LINGO2: variants seen among roughly 807,000 people sequenced by gnomAD.
LINGO2 encodes leucine rich repeat and Ig domain containing 2, also known as leucine-rich repeat and immunoglobulin-like domain-containing nogo receptor-interacting protein 2.
In LINGO2, 14 loss-of-function variants were observed where a neutral mutation model predicts 30.6. The observed-to-expected ratio is 0.46, with a 90% confidence interval of 0.30 to 0.72. The LOEUF is 0.72. Among genes scored for constraint, LINGO2 ranks in the 30% least tolerant of loss-of-function variants. The pLI is 0.07. For missense variants in LINGO2, 729 were observed against 751.7 expected, an observed-to-expected ratio of 0.97 and a Z score of 0.35; for synonymous variants, 317 against 288.5, an observed-to-expected ratio of 1.10 and a Z score of -1.00.
chr9:28,756,876 C>A, the LINGO2 span, among the ~76,000 whole-genome samples: 2 of 150,480 alleles, frequency 1.3e-5, no homozygotes, highest in Admixed American at 1.3e-4. Context: ...TTTTTTTCTT[C>A]GAATAAATAA....
chr9:28,643,431 A>C (rs1380575394), intron 1 of LINGO2, among the ~76,000 whole-genome samples: 1 of 152,092 alleles, frequency 6.6e-6, no homozygotes, highest in Admixed American at 6.6e-5. Flanking sequence ...CCAAGAACAC[A>C]CTTGGGAAAA....
chr9:28,054,097 G>A (rs1038189195), intron 4 of LINGO2, among the ~76,000 whole-genome samples: 1 of 151,910 alleles, frequency 6.6e-6, no homozygotes, highest in Non-Finnish European at 1.5e-5. Context: ...TCTGTGATGG[G>A]AGGTGGGGAG....
At chr9:28,913,357 A>T in the LINGO2 span, among the ~76,000 whole-genome samples, 1 of 152,092 alleles carries the variant, frequency 6.6e-6, no homozygotes, top group Non-Finnish European at 1.5e-5. Context: ...TTTAAGGGAA[A>T]CTAAGGCAAA....
the LINGO2 span, among the ~76,000 whole-genome samples, chr9:29,042,310 A>T: frequency 6.6e-6 from 1 of 151,982 alleles, no homozygotes; most frequent in Admixed American, 6.6e-5. Context: ...TTAACATGCA[A>T]TTCCCTTGCA....
intron 4 of LINGO2, among the ~76,000 whole-genome samples, chr9:28,170,987 A>G (rs1828564915): frequency 1.3e-5 from 2 of 152,214 alleles, no homozygotes; most frequent in African/African-American, 4.8e-5. Flanking sequence ...TATTCTGCCT[A>G]TCACAGATGG....
At chr9:29,163,412 TA>T in the LINGO2 span, among the ~76,000 whole-genome samples, 1 of 152,186 alleles carries the variant, frequency 6.6e-6, no homozygotes, top group Non-Finnish European at 1.5e-5. Flanking sequence ...CTTCTATGTG[TA>T]CATGCAGTTG....
At chr9:28,016,682 T>TA (rs72138034) in intron 4 of LINGO2, among the ~76,000 whole-genome samples, 3,036 of 115,268 alleles carry the variant, frequency 0.026, 119 homozygotes, top group African/African-American at 0.095. Flanking sequence ...ATTAAACCAG[T>TA]AAAAAAAAAA....
chr9:28,425,770 C>T (rs1231425717), intron 2 of LINGO2, among the ~76,000 whole-genome samples: 2 of 152,022 alleles, frequency 1.3e-5, no homozygotes, highest in African/African-American at 2.4e-5. Context: ...GCACCAGCTG[C>T]CTATGACCTG....
intron 4 of LINGO2, among the ~76,000 whole-genome samples, chr9:28,055,287 CAT>C (rs1824873066): frequency 6.6e-6 from 1 of 152,028 alleles, no homozygotes; most frequent in Admixed American, 6.6e-5. Context: ...TTGCTTATAA[CAT>C]GTGTTTTAAA....
intron 4 of LINGO2, among the ~76,000 whole-genome samples, chr9:28,274,737 C>A (rs935282585): frequency 6.6e-6 from 1 of 152,158 alleles, no homozygotes; most frequent in Non-Finnish European, 1.5e-5. Flanking sequence ...TAAATGACTC[C>A]TTTTACCAAC....
intron 4 of LINGO2, among the ~76,000 whole-genome samples, chr9:28,036,678 G>A (rs1026104239): frequency 1.3e-5 from 2 of 152,188 alleles, no homozygotes; most frequent in African/African-American, 4.8e-5. Flanking sequence ...TGACTCATAA[G>A]TCCATGATTC....
chr9:28,388,875 G>A lies in LINGO2; in HGVS notation c.-278-16007C>T, dbSNP rs531077798. Among the ~76,000 whole-genome samples, 12 of 151,654 alleles carry A rather than the reference G, an allele frequency of 7.9e-5. 1 individual carries two copies. The South Asian group carries it at 2.3e-3, about 29-fold the overall frequency. ...CACCAACTGTAAATATTTGACTTGA[G>A]GGTTTTCTCTCTTTCTCTCTTTCTC... is the stretch of plus-strand genomic sequence containing the variant. On this transcript the variant is annotated intron_variant, in intron 2 of 5. Transcript: ENST00000379992.
intron 1 of LINGO2, among the ~76,000 whole-genome samples, chr9:28,624,586 G>A (rs1473549556): frequency 3.3e-5 from 5 of 150,394 alleles, no homozygotes; most frequent in Admixed American, 3.3e-4. Context: ...ATTTTATCGA[G>A]GATTTTTTCA....
chr9:29,044,407 T>C, the LINGO2 span, among the ~76,000 whole-genome samples: 1 of 151,998 alleles, frequency 6.6e-6, no homozygotes, highest in Non-Finnish European at 1.5e-5. Flanking sequence ...ACTAAAGAAA[T>C]ACTCTGCTTA....
chr9:28,397,159 C>T (rs1393991771), intron 2 of LINGO2, among the ~76,000 whole-genome samples: 1 of 151,946 alleles, frequency 6.6e-6, no homozygotes, highest in African/African-American at 2.4e-5. Context: ...TATCACTTGG[C>T]ATGTAATGAG....
chr9:29,021,677 AAAGAAAGGAAGG>A, the LINGO2 span, among the ~76,000 whole-genome samples: 4,211 of 117,050 alleles, frequency 0.036, 151 homozygotes, highest in Admixed American at 0.068. Flanking sequence ...AGAAGAAAGA[AAAGAAAGGAAGG>A]AAGGAAGGAA....
chr9:28,720,010 G>A, the LINGO2 span, among the ~76,000 whole-genome samples: 50 of 151,920 alleles, frequency 3.3e-4, 2 homozygotes, highest in South Asian at 8.5e-3. Context: ...CTGAACTACC[G>A]AAGCATCTAA....
the LINGO2 span, among the ~76,000 whole-genome samples, chr9:28,750,618 A>C: frequency 1.3e-5 from 2 of 152,056 alleles, no homozygotes; most frequent in Non-Finnish European, 2.9e-5. Flanking sequence ...TACTTGAAAA[A>C]AATTAACAGA....
chr9:28,075,313 T>G (rs1478123370), intron 4 of LINGO2, among the ~76,000 whole-genome samples: 2 of 152,068 alleles, frequency 1.3e-5, no homozygotes, highest in Admixed American at 1.3e-4. Flanking sequence ...CTTTTATTGT[T>G]GTTTAGTAAT....
Sources: allele counts gnomAD v4.1 joint callset (sites outside exome capture counted in the v4.1 genomes callset), GRCh38; gene constraint gnomAD v4.1.1; transcripts MANE v1.5; gene names NCBI Gene and HGNC (gene_info 2026-07-23, HGNC 2026-07-21).